The following MYT1L variants were observed in gnomAD, a reference collection of about 807,000 sequenced individuals.
The protein encoded by MYT1L is myelin transcription factor 1-like protein.
In MYT1L, 12 loss-of-function variants were observed where a neutral mutation model predicts 126.7. The observed-to-expected ratio is 0.09, with a 90% CI of 0.06 to 0.15. MYT1L has a LOEUF of 0.15. MYT1L is among the 10% of genes least tolerant of loss of function. MYT1L has a pLI of 1.00. For missense variants in MYT1L, 979 were observed against 1,585.2 expected (o/e 0.62, Z 6.49); for synonymous variants, 541 against 604.2 (o/e 0.90, Z 1.53).
intron 3 of MYT1L, among the ~76,000 whole-genome samples, chr2:2,081,113 C>T (rs2075779196): frequency 6.6e-6 from 1 of 151,932 alleles, no homozygotes; most frequent in South Asian, 2.1e-4. Flanking sequence ...AGAGGATATA[C>T]CAAAAATCAT....
intron 3 of MYT1L, among the ~76,000 whole-genome samples, chr2:2,073,971 A>C (rs2150255181): frequency 6.6e-6 from 1 of 152,158 alleles, no homozygotes; most frequent in South Asian, 2.1e-4. Context: ...TGCCCGTCTC[A>C]CCCACAAGAC....
intron 8 of MYT1L, among the ~76,000 whole-genome samples, chr2:1,951,155 G>A (rs1029556772): frequency 6.6e-6 from 1 of 152,152 alleles, no homozygotes; most frequent in African/African-American, 2.4e-5. Context: ...CTTCTCTGTG[G>A]TTGCTAAATT....
intron 2 of MYT1L, among the ~76,000 whole-genome samples, chr2:2,268,163 G>T (rs79874150): frequency 6.6e-6 from 1 of 152,296 alleles, no homozygotes; most frequent in Non-Finnish European, 1.5e-5. Flanking sequence ...ACTTTGGATA[G>T]AAGGATTTAT....
intron 12 of MYT1L, among the ~76,000 whole-genome samples, chr2:1,911,700 A>G (rs1380344813): frequency 1.3e-5 from 2 of 152,182 alleles, no homozygotes; most frequent in Non-Finnish European, 2.9e-5. Context: ...GTCCTGTCCA[A>G]TGAACACTAG....
At chr2:1,980,288 A>C (rs964050041) in intron 5 of MYT1L, among the ~76,000 whole-genome samples, 2 of 146,726 alleles carry the variant, frequency 1.4e-5, no homozygotes, top group Non-Finnish European at 3.0e-5. Flanking sequence ...TATATACATT[A>C]TATATAATAT....
At chr2:2,096,355 T>A (rs2150427003) in intron 3 of MYT1L, among the ~76,000 whole-genome samples, 1 of 152,346 alleles carries the variant, frequency 6.6e-6, no homozygotes, top group Non-Finnish European at 1.5e-5. Context: ...GCCCCCGCTC[T>A]GCTCCCTTTC....
chr2:2,207,882 T>C (rs532547927), intron 2 of MYT1L, among the ~76,000 whole-genome samples: 1 of 152,314 alleles, frequency 6.6e-6, no homozygotes, highest in East Asian at 1.9e-4. Flanking sequence ...ACCAGGAACC[T>C]GGGCATGATG....
intron 3 of MYT1L, among the ~76,000 whole-genome samples, chr2:2,076,434 G>A (rs1451439693): frequency 6.6e-6 from 1 of 152,158 alleles, no homozygotes; most frequent in Non-Finnish European, 1.5e-5. Context: ...AAAATCCTCT[G>A]GCTATTCATT....
At chr2:2,008,392 G>A (rs2063524064) in intron 4 of MYT1L, among the ~76,000 whole-genome samples, 1 of 152,242 alleles carries the variant, frequency 6.6e-6, no homozygotes, top group African/African-American at 2.4e-5. Flanking sequence ...AACAGGCCAG[G>A]AGGTTACAAT....
Position 2,054,084 on chromosome 2 carries a change from A to G in MYT1L, c.-264T>C, listed in dbSNP as rs1245102145. The stretch of plus-strand genomic sequence containing the variant: ...AGATGCAAACACTTGATTGAATTCA[A>G]TAACTACATTTTTTTCTTCTTCCAC... On this transcript the variant is annotated 5_prime_UTR_variant, in exon 4 of 25. Coordinates refer to ENST00000647738, the MANE Select transcript of MYT1L (RefSeq NM_001303052.2). The G allele has an allele frequency of 6.5e-6, 1 of 152,672 alleles. No homozygotes were observed. Among genetic ancestry groups the G allele is most frequent in the Non-Finnish European group, 1.5e-5 (1 of 68,050 alleles). The allele number at this position is 152,672 out of a possible 1,614,324, so 9.5% of individuals were successfully genotyped here.
chr2:2,130,954 A>G (rs1443645438), intron 3 of MYT1L, among the ~76,000 whole-genome samples: 4 of 152,210 alleles, frequency 2.6e-5, no homozygotes, highest in African/African-American at 9.6e-5. Context: ...CCAGTTAGAA[A>G]TTTCCACATT....
chr2:1,910,121 G>C lies in MYT1L; in HGVS notation c.1817+119C>G. The C allele has an allele frequency of 5.5e-6, 5 of 907,108 alleles. No individual in the cohort carries two copies. In the South Asian group the frequency reaches 6.5e-5, roughly 12 times the overall value. 56.2% of individuals were successfully genotyped at this position (907,108 alleles called of 1,614,324 possible). On this transcript the variant is annotated intron_variant, in intron 13 of 24. Transcript: ENST00000647738. The surrounding 1 kb of genome is among the most constrained non-coding windows in gnomAD (Gnocchi z 4.8). ...TGGCCCCGGCTTCCAGCACAGCCCC[G>C]CCCTCCAGTCCCTGCCCCTGCTGCT...
At chr2:2,116,470 A>C (rs1471360200) in intron 3 of MYT1L, among the ~76,000 whole-genome samples, 5 of 152,228 alleles carry the variant, frequency 3.3e-5, no homozygotes, top group African/African-American at 4.8e-5. Flanking sequence ...ATGAGCAAAC[A>C]AACCTCCTTC....
intron 5 of MYT1L, among the ~76,000 whole-genome samples, chr2:1,989,863 T>C (rs2061339087): frequency 6.6e-6 from 1 of 152,074 alleles, no homozygotes; most frequent in African/African-American, 2.4e-5. Context: ...CTGGGCATGG[T>C]GGCGGGTGTC....
chr2:2,091,283 G>A (rs2076894365), intron 3 of MYT1L, among the ~76,000 whole-genome samples: 1 of 152,350 alleles, frequency 6.6e-6, no homozygotes, highest in African/African-American at 2.4e-5. Context: ...TTTCAGGCAT[G>A]AAAATGACAT....
intron 2 of MYT1L, among the ~76,000 whole-genome samples, chr2:2,270,376 G>A (rs888350966): frequency 6.6e-6 from 1 of 152,160 alleles, no homozygotes; most frequent in Non-Finnish European, 1.5e-5. Flanking sequence ...CATTCCTTTA[G>A]TCATGAGCTT....
rs561866174 is a variant in MYT1L, at chr2:2,190,127, T to A, written c.-420-17139A>T. On this transcript the variant is annotated intron_variant, in intron 2 of 24. Transcript: ENST00000647738. ...TTTTCCCATGTTTAGGGCCCTGATTTTTAATATTTTCTTAATTATTTATTT... is the reference window on the plus strand; with the variant it reads ...TTTTCCCATGTTTAGGGCCCTGATTATTAATATTTTCTTAATTATTTATTT... 4.6e-5 allele frequency among the ~76,000 whole-genome samples: 7 copies of A among 152,312 alleles called. No homozygotes were observed. The South Asian group carries it at 1.2e-3, about 27-fold the overall frequency.
rs143797483 is a variant in MYT1L, at chr2:2,298,712, A to G, written c.-520-14209T>C. On this transcript the variant is annotated intron_variant, in intron 1 of 24. Transcript: ENST00000647738. ...TGCCACCAGCAGCTTCCTGGTCCCA[A>G]TGTCAAGAAGCACAAGACACGGCAT... Among the ~76,000 whole-genome samples the G allele has an allele frequency of 2.6e-5, 4 of 152,166 alleles. No individual in the cohort carries two copies. In the East Asian group the frequency reaches 5.8e-4, roughly 22 times the overall value.
rs1263826721 is a variant in MYT1L at position 2,037,460 on chromosome 2, A to T, written c.-158+16518T>A. 2.0e-3 allele frequency among the ~76,000 whole-genome samples: 286 copies of T among 143,660 alleles called. 2 individuals are homozygous for T. The highest frequency in any genetic ancestry group is 6.8e-3 in the African/African-American group (263 of 38,740). 94.2% of individuals were successfully genotyped at this position (143,660 alleles called of 152,430 possible). A position where few individuals can be genotyped will look rare whatever the true frequency, so the allele number is the denominator to read the frequency against. On this transcript the variant is annotated intron_variant, in intron 4 of 24. Coordinates refer to ENST00000647738, the MANE Select transcript of MYT1L (RefSeq NM_001303052.2). Reference sequence around the variant, plus strand: ...TTCAGTTGATTTTTTTTTTTTTTTTAAACTGTAGCTTTGGGCCAGGGACGG... The same window carrying T: ...TTCAGTTGATTTTTTTTTTTTTTTTTAACTGTAGCTTTGGGCCAGGGACGG...
Sources: gnomAD v4.1 joint callset for allele counts (sites outside exome capture counted in the v4.1 genomes callset) on GRCh38, gnomAD v4.1.1 for gene constraint, Gnocchi (gnomAD v3.1) non-coding constraint, MANE v1.5 for transcripts, NCBI Gene and HGNC (gene_info 2026-07-23, HGNC 2026-07-21) for gene names.